Variants in ZFHX3 observed in about 807,000 individuals in gnomAD.
The protein encoded by ZFHX3 is zinc finger homeobox 3.
A neutral mutation model predicts 279.1 loss-of-function variants in ZFHX3; 42 were observed. The ratio of observed to expected loss-of-function variants is 0.15; its 90% confidence interval spans 0.12 to 0.19. The LOEUF (loss-of-function observed/expected upper bound fraction) is 0.19, where lower values mean the gene tolerates loss of function less well. ZFHX3 is among the 10% of genes least tolerant of loss of function. ZFHX3 has a pLI of 1.00. For missense variants in ZFHX3, 4,981 were observed against 4,754.0 expected (o/e 1.05, Z -1.40); for synonymous variants, 2,293 against 1,957.8 (o/e 1.17, Z -4.52).
intron 3 of ZFHX3, among the ~76,000 whole-genome samples, chr16:73,380,478 T>G (rs2016801497): frequency 6.6e-6 from 1 of 152,130 alleles, no homozygotes; most frequent in Non-Finnish European, 1.5e-5. Context: ...TAGATAAAAT[T>G]ATCACTTTTG....
chr16:73,842,013 A>C (rs1261458644), intron 1 of ZFHX3, among the ~76,000 whole-genome samples: 3 of 151,568 alleles, frequency 2.0e-5, no homozygotes, highest in Non-Finnish European at 4.4e-5. Context: ...TCAGGAGTTC[A>C]AGACCAGCCT....
intron 1 of ZFHX3, among the ~76,000 whole-genome samples, chr16:73,728,020 C>CCCCCA (rs2053535908): frequency 1.1e-5 from 1 of 90,594 alleles, no homozygotes; most frequent in African/African-American, 3.8e-5. Flanking sequence ...ATTGTGCCCC[C>CCCCCA]CCCCCGCCCC....
intron 4 of ZFHX3, among the ~76,000 whole-genome samples, chr16:73,291,539 G>A (rs114425470): frequency 9.3e-4 from 142 of 152,306 alleles, no homozygotes; most frequent in African/African-American, 3.3e-3. Context: ...TCTCAACATG[G>A]AGTTGCTCAG....
exon 1 of ZFHX3, chr16:73,891,654 A>G (rs1567441851): frequency 6.6e-6 from 1 of 152,110 alleles, no homozygotes; most frequent in Non-Finnish European, 1.5e-5. Context: ...ACCTTACCTC[A>G]GCTAGCTTGC....
intron 2 of ZFHX3, among the ~76,000 whole-genome samples, chr16:73,669,050 A>ATT (rs77659765): frequency 9.5e-4 from 141 of 149,174 alleles, no homozygotes; most frequent in Non-Finnish European, 1.6e-3. Flanking sequence ...TCTATTTATT[A>ATT]TTTTTTTTCT....
intron 1 of ZFHX3, among the ~76,000 whole-genome samples, chr16:73,822,455 A>G (rs1597131625): frequency 6.6e-6 from 1 of 152,284 alleles, no homozygotes; most frequent in Middle Eastern, 3.4e-3. Flanking sequence ...TTGCATCTTA[A>G]CTTAGAATTT....
intron 5 of ZFHX3, among the ~76,000 whole-genome samples, chr16:73,149,478 C>T (rs528767323): frequency 6.6e-6 from 1 of 152,262 alleles, no homozygotes; most frequent in South Asian, 2.1e-4. Context: ...ACTCACTCCA[C>T]ACATCTGTTG....
chr16:73,117,679 G>A (rs761644049), intron 7 of ZFHX3, among the ~76,000 whole-genome samples: 19 of 152,174 alleles, frequency 1.2e-4, no homozygotes, highest in Admixed American at 5.2e-4. Flanking sequence ...GACCCAATGT[G>A]TCCCCACCTA....
At chr16:73,340,627 C>T (rs9936511) in intron 3 of ZFHX3, among the ~76,000 whole-genome samples, 144 of 152,290 alleles carry the variant, frequency 9.5e-4, no homozygotes, top group Middle Eastern at 3.4e-3. Context: ...ACTCTCACTT[C>T]GGCCTCCTAA....
At chr16:72,828,948 C>T (rs990376439) in intron 5 of ZFHX3, among the ~76,000 whole-genome samples, 2 of 151,958 alleles carry the variant, frequency 1.3e-5, no homozygotes, top group African/African-American at 4.8e-5. Flanking sequence ...ACCTCAGCCT[C>T]CCAAAGTGCT....
chr16:73,513,450 G>A (rs750059324), intron 2 of ZFHX3, among the ~76,000 whole-genome samples: 2 of 152,186 alleles, frequency 1.3e-5, no homozygotes. Context: ...TCCCAAGGTA[G>A]GAGCATTTTC....
intron 6 of ZFHX3, among the ~76,000 whole-genome samples, chr16:73,135,511 C>G (rs1017845475): frequency 6.6e-6 from 1 of 152,320 alleles, no homozygotes; most frequent in East Asian, 1.9e-4. Flanking sequence ...CCATTCCAAG[C>G]TTTCGACCCT....
intron 5 of ZFHX3, chr16:73,256,992 A>C (rs2013678350): frequency 6.6e-6 from 1 of 152,104 alleles, no homozygotes; most frequent in African/African-American, 2.4e-5. Context: ...TGAGAACTTC[A>C]GTGTTGCCAA....
At chr16:73,863,798 T>A (rs1356216549) in intron 1 of ZFHX3, among the ~76,000 whole-genome samples, 2 of 152,196 alleles carry the variant, frequency 1.3e-5, no homozygotes, top group Admixed American at 6.5e-5. Context: ...GCTCAATAGA[T>A]GTTCTGTGAA....
At chr16:73,707,539 A>T (rs1449266209) in intron 1 of ZFHX3, among the ~76,000 whole-genome samples, 1 of 140,654 alleles carries the variant, frequency 7.1e-6, no homozygotes, top group African/African-American at 2.7e-5. Flanking sequence ...GAACTGAACA[A>T]TGAGAACACA....
intron 3 of ZFHX3, among the ~76,000 whole-genome samples, chr16:73,357,991 G>A (rs184239573): frequency 7.9e-5 from 12 of 152,302 alleles, no homozygotes; most frequent in African/African-American, 2.6e-4. Flanking sequence ...CCCCTCTCGG[G>A]AGCATCTTGC....
At chr16:73,682,552 G>A (rs148840845) in intron 1 of ZFHX3, among the ~76,000 whole-genome samples, 2,017 of 152,056 alleles carry the variant, frequency 0.013, 44 homozygotes, top group African/African-American at 0.046. Context: ...TTCGGAAGCC[G>A]AGGTGGGTGG....
intron 3 of ZFHX3, among the ~76,000 whole-genome samples, chr16:72,926,879 A>C (rs1415858756): frequency 6.6e-6 from 1 of 152,136 alleles, no homozygotes; most frequent in Non-Finnish European, 1.5e-5. Flanking sequence ...TTCTCTCTAG[A>C]CCACTGACAT....
intron 1 of ZFHX3, among the ~76,000 whole-genome samples, chr16:73,714,793 T>C (rs2053398632): frequency 2.0e-5 from 3 of 152,010 alleles, no homozygotes; most frequent in Admixed American, 2.0e-4. Flanking sequence ...AGTCTCCCTT[T>C]TGTCTCATCA....
Sources: gnomAD v4.1 joint callset for allele counts (sites outside exome capture counted in the v4.1 genomes callset) on GRCh38, gnomAD v4.1.1 for gene constraint, MANE v1.5 for transcripts, NCBI Gene and HGNC (gene_info 2026-07-23, HGNC 2026-07-21) for gene names.